Variants in GRHL1 observed in about 807,000 individuals in gnomAD.
The protein encoded by GRHL1 is grainyhead-like protein 1 homolog.
In GRHL1, 38 loss-of-function variants were observed where a neutral mutation model predicts 75.7. The observed-to-expected ratio is 0.50, with a 90% CI of 0.39 to 0.66. GRHL1 has a LOEUF of 0.66. GRHL1 is among the 30% of genes least tolerant of loss of function. The pLI, the probability that GRHL1 is intolerant of heterozygous loss-of-function variation, is 0.00. For missense variants in GRHL1, 589 were observed against 767.5 expected (o/e 0.77, Z 2.75); for synonymous variants, 266 against 279.4 (o/e 0.95, Z 0.48).
chr2:9,998,611 C>T lies in GRHL1; in HGVS notation c.1678-354C>T, dbSNP rs868755876. Among the ~76,000 whole-genome samples the T allele has an allele frequency of 1.1e-3, 46 of 43,384 alleles. 12 individuals are homozygous for T. The highest frequency in any genetic ancestry group is 3.0e-3 in the Admixed American group (11 of 3,696). The allele number at this position is 43,384 out of a possible 152,430, so 28.5% of individuals were successfully genotyped here. ...ATATATATGTACACATATATATATA[C>T]ATATATATGTACACATATACATATA... On this transcript the variant is annotated intron_variant, in intron 14 of 15. Transcript: ENST00000324907.
chr2:9,992,079 A>G lies in GRHL1; in HGVS notation c.1394A>G (p.Asp465Gly). The stretch of plus-strand genomic sequence containing the variant: ...ATCACAGTTTTCAAACCCTTCATTG[A>G]TCTCGATACTCAGCCTGTCCTCTTC... Reference protein sequence around the residue: ...MDITVFKPFIDLDTQPVLFIP... With the variant: ...MDITVFKPFIGLDTQPVLFIP... Residue 465 changes from aspartate to glycine, a missense_variant, in exon 11 of 16, where the codon GAT becomes GGT. By Grantham distance (94) the Asp-to-Gly change is moderately conservative. Around this residue, in one of 5 missense-constraint regions of GRHL1, gnomAD observed 192 missense variants for 226.6 expected, o/e 0.85. Transcript: ENST00000324907. The surrounding 1 kb of genome is among the most constrained non-coding windows in gnomAD (Gnocchi z 4.6). The G allele has an allele frequency of 6.2e-7, 1 of 1,613,090 alleles. No individual in the cohort carries two copies. Among genetic ancestry groups the G allele is most frequent in the Non-Finnish European group, 8.5e-7 (1 of 1,179,692 alleles).
intron 12 of GRHL1, among the ~76,000 whole-genome samples, chr2:9,994,541 C>T (rs1279035312): frequency 6.6e-6 from 1 of 152,090 alleles, no homozygotes; most frequent in African/African-American, 2.4e-5. Context: ...ATTCATGCCC[C>T]ACACGTTACC....
At chr2:9,959,373 A>G (rs192546273) in intron 3 of GRHL1, 1 of 152,666 alleles carries the variant, frequency 6.6e-6, no homozygotes. Flanking sequence ...CTTGTGTTTT[A>G]TTATCAATCA....
At chr2:9,999,170 G>A in intron 15 of GRHL1, 141 bp downstream of exon 15, 1 of 345,272 alleles carries the variant, frequency 2.9e-6, no homozygotes. Context: ...TCCTGTGCCA[G>A]TGACACACAC....
At chr2:9,986,574 G>A (rs909553100) in intron 9 of GRHL1, among the ~76,000 whole-genome samples, 2 of 108,464 alleles carry the variant, frequency 1.8e-5, no homozygotes, top group South Asian at 3.2e-4. Flanking sequence ...ACACCACCAC[G>A]GCCGGCTAGT....
intron 10 of GRHL1, among the ~76,000 whole-genome samples, chr2:9,991,040 A>G (rs1668617707): frequency 6.6e-6 from 1 of 152,214 alleles, no homozygotes; most frequent in Admixed American, 6.5e-5. Context: ...GAAAAATGAC[A>G]ACACGTTCTG....
chr2:9,978,976 T>A (rs1668072618), intron 8 of GRHL1, among the ~76,000 whole-genome samples: 2 of 148,446 alleles, frequency 1.3e-5, no homozygotes, highest in East Asian at 2.0e-4. Flanking sequence ...AGGCAACAAG[T>A]GCAAAACTCC....
intron 13 of GRHL1, 92 bp from the exon 14 acceptor site, chr2:9,996,224 T>C: frequency 1.1e-6 from 1 of 890,142 alleles, no homozygotes; most frequent in Admixed American, 1.8e-5. Context: ...TTTTAGCTGG[T>C]ACCGTGGTCT....
intron 2 of GRHL1, among the ~76,000 whole-genome samples, chr2:9,955,921 C>G (rs1667002817): frequency 6.6e-6 from 1 of 152,230 alleles, no homozygotes; most frequent in Non-Finnish European, 1.5e-5. Flanking sequence ...CTACTTAAAA[C>G]AGCAGACTGA....
In GRHL1 at chr2:9,996,298, T is replaced by C; in HGVS notation, c.1592-18T>C. ...TCCTCTCTTTTCCCTTCCTTATTCC[T>C]GGTTGGGGATTGATTAGTGCTGCTC... is the stretch of plus-strand genomic sequence containing the variant. On this transcript the variant is annotated intron_variant, in intron 13 of 15. Transcript: ENST00000324907. 1.9e-6 allele frequency: 3 copies of C among 1,575,596 alleles called. No individual in the cohort carries two copies. The highest frequency in any genetic ancestry group is 2.6e-6 in the Non-Finnish European group (3 of 1,144,846).
intron 10 of GRHL1, among the ~76,000 whole-genome samples, chr2:9,991,735 G>T (rs114010188): frequency 6.6e-6 from 1 of 152,162 alleles, no homozygotes. Flanking sequence ...TGCCTCTGTC[G>T]CAAATCTTCT....
At position 9,966,485 on chromosome 2, in the gene GRHL1, T is replaced by C. The variant is rs1214725018; in HGVS notation, c.1110+1104T>C. 3 of 152,334 alleles carry C rather than the reference T, an allele frequency of 2.0e-5. No homozygotes were observed. The South Asian group carries it at 6.2e-4, about 32-fold the overall frequency. 9.4% of individuals were successfully genotyped at this position (152,334 alleles called of 1,614,324 possible). On this transcript the variant is annotated intron_variant, in intron 8 of 15. Coordinates refer to ENST00000324907, the MANE Select transcript of GRHL1 (RefSeq NM_198182.3). ...CAGAAGACTGATCTTTAGTTTTCCT[T>C]ACAATATTAGGTATAGCATTCTCTC...
At chr2:9,985,995 A>G (rs1835424) in intron 8 of GRHL1, 129 bp from the exon 9 acceptor site, 10 of 646,150 alleles carry the variant, frequency 1.5e-5, no homozygotes, top group Non-Finnish European at 2.3e-5. Flanking sequence ...ACCCTTTTTT[A>G]AAAAATGAGA....
At chr2:9,953,871 G>A (rs1666903967) in intron 1 of GRHL1, among the ~76,000 whole-genome samples, 1 of 152,136 alleles carries the variant, frequency 6.6e-6, no homozygotes, top group African/African-American at 2.4e-5. Flanking sequence ...ATAATTCAGA[G>A]GAGTTCCAAA....
rs371835378 is a variant in GRHL1, at chr2:9,963,867, G to A, written c.747-19G>A. On this transcript the variant is annotated intron_variant, in intron 5 of 15. Transcript: ENST00000324907. The stretch of plus-strand genomic sequence containing the variant: ...CACGAGAGTAGATTTAGAGACCTGT[G>A]ACTTTTTTTGTCCTTTAGGAACAAC... 2.5e-6 allele frequency: 4 copies of A among 1,593,278 alleles called. No homozygotes were observed. The African/African-American group carries it at 4.1e-5, about 16-fold the overall frequency.
At chr2:9,973,893 G>T (rs1337447091) in intron 8 of GRHL1, among the ~76,000 whole-genome samples, 1 of 152,208 alleles carries the variant, frequency 6.6e-6, no homozygotes, top group African/African-American at 2.4e-5. Context: ...CACATCACCA[G>T]CTGGACTCAT....
At chr2:9,963,830 A>G in intron 5 of GRHL1, 56 bp from the exon 6 acceptor site, 2 of 1,247,380 alleles carry the variant, frequency 1.6e-6, no homozygotes, top group East Asian at 2.3e-5. Context: ...AATATGATGT[A>G]TAGCAAGCTT....
chr2:9,962,803 G>A (rs1667330217), intron 5 of GRHL1, among the ~76,000 whole-genome samples: 2 of 152,052 alleles, frequency 1.3e-5, no homozygotes, highest in Non-Finnish European at 2.9e-5. Context: ...AATCTAATAG[G>A]AGAGATGAGG....
rs779739094 is a variant in GRHL1 at position 9,958,774 on chromosome 2, T to C, written c.208-12T>C. 1 of 1,607,428 alleles carries C rather than the reference T, an allele frequency of 6.2e-7. No individual in the cohort carries two copies. The highest frequency in any genetic ancestry group is 1.7e-5 in the Admixed American group (1 of 60,004). ...ATAAGAGCTAAATTCTTTTCATGTG[T>C]GCTAATATCAGGTTCCAAGAGAGAG... is the stretch of plus-strand genomic sequence containing the variant. On this transcript the variant is annotated splice_polypyrimidine_tract_variant and intron_variant, in intron 2 of 15. Coordinates refer to ENST00000324907, the MANE Select transcript of GRHL1 (RefSeq NM_198182.3).
Sources: allele counts gnomAD v4.1 joint callset (sites outside exome capture counted in the v4.1 genomes callset), GRCh38; gene constraint gnomAD v4.1.1; regional missense constraint gnomAD v4.1.1; non-coding constraint Gnocchi (gnomAD v3.1); transcripts MANE v1.5; gene names NCBI Gene and HGNC (gene_info 2026-07-23, HGNC 2026-07-21).